SLC3A1: variants seen among roughly 807,000 people sequenced by gnomAD.
The protein encoded by SLC3A1 is solute carrier family 3 member 1.
In SLC3A1, 78 loss-of-function variants were observed where a neutral mutation model predicts 60.3. That is an observed-to-expected ratio of 1.29 (90% CI 1.08 to 1.56). SLC3A1 has a LOEUF of 1.56. Among genes scored for constraint, SLC3A1 ranks in the 40% most tolerant of loss-of-function variants. SLC3A1 has a pLI of 0.00. For missense variants in SLC3A1, 1,172 were observed against 858.9 expected (o/e 1.36, Z -4.56); for synonymous variants, 392 against 307.9 (o/e 1.27, Z -2.86).
At chr2:44,286,203 G>A (rs780722497) in intron 4 of SLC3A1, 46 bp downstream of exon 4, 1 of 1,589,950 alleles carries the variant, frequency 6.3e-7, no homozygotes, top group Non-Finnish European at 8.6e-7. Flanking sequence ...TGGAGGTTTA[G>A]GTATTTATTT....
At position 44,275,918 on chromosome 2, in the gene SLC3A1, CA is replaced by C; in HGVS notation, c.385del (p.Arg129GlyfsTer14). 6.2e-7 allele frequency: 1 copy of C among 1,614,214 alleles called. No homozygotes were observed. On this transcript the variant is annotated frameshift_variant, in exon 1 of 10. Coordinates refer to ENST00000260649, the MANE Select transcript of SLC3A1 (RefSeq NM_000341.4). LOFTEE classifies it high-confidence loss of function. ...GAGGGGCCCATGTACCAGATCTACC[CA>C]AGGTCTTTCAAGGACAGTAACAAGG... ...WQEGPMYQIYPRSFKDSNKDG... is the reference protein window; with the variant it reads ...WQEGPMYQIYXRSFKDSNKDG...
chr2:44,276,718 G>A (rs572587550), intron 1 of SLC3A1, among the ~76,000 whole-genome samples: 1 of 151,890 alleles, frequency 6.6e-6, no homozygotes, highest in African/African-American at 2.4e-5. Context: ...AAAAAAAAAA[G>A]TGAAAAATTA....
chr2:44,306,745 C>T (rs1422694495), intron 7 of SLC3A1, among the ~76,000 whole-genome samples: 7 of 149,500 alleles, frequency 4.7e-5, no homozygotes, highest in African/African-American at 9.9e-5. Context: ...AGTAGGGACA[C>T]GGGGTTTCAT....
chr2:44,306,237 C>T (rs757669677), intron 7 of SLC3A1, among the ~76,000 whole-genome samples: 29 of 152,140 alleles, frequency 1.9e-4, no homozygotes, highest in Admixed American at 1.4e-3. Flanking sequence ...GATTTTGATA[C>T]TTTTCGCACA....
intron 9 of SLC3A1, chr2:44,319,214 CAAT>C (rs1186073643): frequency 6.6e-6 from 1 of 152,568 alleles, no homozygotes; most frequent in Non-Finnish European, 1.5e-5. Context: ...ATAACAACCA[CAAT>C]AACAACTATC....
intron 7 of SLC3A1, among the ~76,000 whole-genome samples, chr2:44,308,861 T>C (rs1175926490): frequency 6.6e-6 from 1 of 151,940 alleles, no homozygotes; most frequent in African/African-American, 2.4e-5. Flanking sequence ...GCCTCCCAAA[T>C]AGCTGGGACT....
At chr2:44,304,785 C>T (rs1256443617) in intron 7 of SLC3A1, among the ~76,000 whole-genome samples, 1 of 151,418 alleles carries the variant, frequency 6.6e-6, no homozygotes, top group East Asian at 1.9e-4. Flanking sequence ...AGAATTTCTC[C>T]CCCTTCTGTA....
At chr2:44,299,209 T>C (rs1423558494) in intron 4 of SLC3A1, among the ~76,000 whole-genome samples, 2 of 151,990 alleles carry the variant, frequency 1.3e-5, no homozygotes, top group African/African-American at 4.8e-5. Flanking sequence ...TGGCTACTTT[T>C]TGTATTTTTA....
At chr2:44,311,374 C>G (rs1281750639) in intron 7 of SLC3A1, among the ~76,000 whole-genome samples, 2 of 152,068 alleles carry the variant, frequency 1.3e-5, no homozygotes, top group Non-Finnish European at 2.9e-5. Flanking sequence ...AATGTTTGGT[C>G]TTCCTAAGCA....
At chr2:44,319,879 A>T in intron 9 of SLC3A1, 1 of 290,464 alleles carries the variant, frequency 3.4e-6, no homozygotes, top group Non-Finnish European at 6.5e-6. Context: ...ATGCAAGTTA[A>T]ATATTCATCT....
intron 9 of SLC3A1, chr2:44,318,262 T>A (rs1672604468): frequency 1.3e-5 from 4 of 299,786 alleles, no homozygotes; most frequent in Non-Finnish European, 2.7e-5. Flanking sequence ...GGGTAATTTC[T>A]GTATTTTTTA....
chr2:44,321,846 A>ATT, downstream of SLC3A1: 1 of 1,613,800 alleles, frequency 6.2e-7, no homozygotes, highest in Non-Finnish European at 8.5e-7. Flanking sequence ...AGAATCCTCA[A>ATT]TTACATGATT....
At chr2:44,278,721 A>T (rs770907949) in intron 1 of SLC3A1, among the ~76,000 whole-genome samples, 18 of 152,042 alleles carry the variant, frequency 1.2e-4, no homozygotes, top group Non-Finnish European at 2.2e-4. Context: ...TCATTATCCT[A>T]CAAAGTTCTA....
At chr2:44,321,585 G>A, downstream of SLC3A1, 1 of 1,491,566 alleles carries the variant, frequency 6.7e-7, no homozygotes, top group Non-Finnish European at 8.9e-7. Flanking sequence ...TCGAGAGAGA[G>A]GCAGAAGGCT....
At chr2:44,305,428 T>TG (rs1008614447) in intron 7 of SLC3A1, among the ~76,000 whole-genome samples, 5 of 8,320 alleles carry the variant, frequency 6.0e-4, no homozygotes, top group African/African-American at 5.2e-3. Context: ...CTTTTCTTAC[T>TG]TTTTTTTTTT....
At chr2:44,303,863 G>C in intron 6 of SLC3A1, 6 of 573,416 alleles carry the variant, frequency 1.0e-5, no homozygotes, top group Non-Finnish European at 1.6e-5. Flanking sequence ...AGTTTGCTTA[G>C]AATGATGGTT....
intron 9 of SLC3A1, chr2:44,314,307 T>C (rs1219728790): frequency 5.8e-6 from 3 of 516,524 alleles, no homozygotes; most frequent in East Asian, 3.3e-5. Flanking sequence ...GGCGAGTGGA[T>C]AGGCAGCCAT....
chr2:44,317,415 T>C (rs1353195238), intron 9 of SLC3A1, among the ~76,000 whole-genome samples: 1 of 149,626 alleles, frequency 6.7e-6, no homozygotes, highest in Non-Finnish European at 1.5e-5. Flanking sequence ...TGAGCCATGA[T>C]CATGCCACTG....
chr2:44,302,145 C>T lies in SLC3A1; in HGVS notation c.1136+1018C>T, dbSNP rs191202394. Among the ~76,000 whole-genome samples, 16 of 152,236 alleles carry T rather than the reference C, an allele frequency of 1.1e-4. No homozygotes were observed. The East Asian group carries it at 2.9e-3, about 27-fold the overall frequency. Reference sequence around the variant, plus strand: ...TAGTTTCCTAGTACAGTATATAAATCCATATGTTTCAGCTAAAGTATCAGG... The same window carrying T: ...TAGTTTCCTAGTACAGTATATAAATTCATATGTTTCAGCTAAAGTATCAGG... On this transcript the variant is annotated intron_variant, in intron 6 of 9. Transcript: ENST00000260649.
Sources: allele counts gnomAD v4.1 joint callset (sites outside exome capture counted in the v4.1 genomes callset), GRCh38; gene constraint gnomAD v4.1.1; transcripts MANE v1.5; gene names NCBI Gene and HGNC (gene_info 2026-07-23, HGNC 2026-07-21).